The following NOS1AP variants were observed in gnomAD, a reference collection of about 807,000 sequenced individuals.
NOS1AP encodes the protein nitric oxide synthase 1 adaptor protein.
NOS1AP carries 21 observed loss-of-function variants against 56.2 expected under a neutral mutation model. That is an observed-to-expected ratio of 0.37 (90% CI 0.26 to 0.54). The LOEUF (loss-of-function observed/expected upper bound fraction) is 0.54, where lower values mean the gene tolerates loss of function less well. Among genes scored for constraint, NOS1AP ranks in the 20% least tolerant of loss-of-function variants. The pLI, the probability that NOS1AP is intolerant of heterozygous loss-of-function variation, is 0.84. For missense variants in NOS1AP, 522 were observed against 657.8 expected, an observed-to-expected ratio of 0.79 and a Z score of 2.26; for synonymous variants, 270 against 274.6, an observed-to-expected ratio of 0.98 and a Z score of 0.17.
At chr1:162,296,041 C>A (rs1041599578) in intron 3 of NOS1AP, among the ~76,000 whole-genome samples, 7 of 152,206 alleles carry the variant, frequency 4.6e-5, no homozygotes, top group African/African-American at 1.7e-4. Flanking sequence ...AATCCCAGCA[C>A]TTTGGGAGGC....
At chr1:162,330,902 T>C (rs927121717) in intron 4 of NOS1AP, among the ~76,000 whole-genome samples, 1 of 152,144 alleles carries the variant, frequency 6.6e-6, no homozygotes, top group Non-Finnish European at 1.5e-5. Flanking sequence ...GTGATGGCTA[T>C]TGGGGAACAA....
intron 1 of NOS1AP, among the ~76,000 whole-genome samples, chr1:162,111,879 G>A (rs1307347272): frequency 1.3e-5 from 2 of 152,240 alleles, no homozygotes; most frequent in Non-Finnish European, 2.9e-5. Context: ...GCTCATCTCT[G>A]TGGGCTTTCC....
At chr1:162,081,637 C>G (rs1055646669) in intron 1 of NOS1AP, among the ~76,000 whole-genome samples, 6 of 149,210 alleles carry the variant, frequency 4.0e-5, no homozygotes, top group African/African-American at 1.5e-4. Flanking sequence ...GCCTTGACCT[C>G]CTGGGGCTCA....
chr1:162,367,300 C>G lies in NOS1AP; in HGVS notation c.1354C>G (p.Leu452Val), dbSNP rs879050196. 2 of 1,613,356 alleles carry G rather than the reference C, an allele frequency of 1.2e-6. No homozygotes were observed. Among genetic ancestry groups the G allele is most frequent in the Non-Finnish European group, 1.7e-6 (2 of 1,179,954 alleles). The change falls in exon 10 of 10, where the codon CTG (leucine) becomes GTG (valine). Residue 452 changes from leucine to valine, a missense_variant. Physicochemically the swap from Leu to Val is conservative, Grantham distance 32. Around this residue, in one of 4 missense-constraint regions of NOS1AP, gnomAD observed 160 missense variants for 180.3 expected, o/e 0.89. Transcript: ENST00000361897. This position sits in a 1 kb window ranked among gnomAD's most constrained non-coding sequence, Gnocchi z 6.5. ...PAQGEALLGG[L>V]ELIKFRESGI... ...GCAGGGCGAGGCGCTCCTGGGCGGT[C>G]TGGAGCTCATCAAGTTCCGAGAGTC...
chr1:162,367,583 C>T lies in NOS1AP; in HGVS notation c.*116C>T, dbSNP rs1210826197. 3.4e-6 allele frequency: 4 copies of T among 1,161,184 alleles called. No individual in the cohort carries two copies. The highest frequency in any genetic ancestry group is 4.7e-6 in the Non-Finnish European group (4 of 842,940). 71.9% of individuals were successfully genotyped at this position (1,161,184 alleles called of 1,614,324 possible). On this transcript the variant is annotated 3_prime_UTR_variant, in exon 10 of 10. Coordinates refer to ENST00000361897, the MANE Select transcript of NOS1AP (RefSeq NM_014697.3). This position sits in a 1 kb window ranked among gnomAD's most constrained non-coding sequence, Gnocchi z 6.5. The stretch of plus-strand genomic sequence containing the variant: ...CTGCCGAGGAGAATGCCAGCCAGGG[C>T]CCGGGAGAGTGTGAGGTTTCAGGAA...
intron 1 of NOS1AP, among the ~76,000 whole-genome samples, chr1:162,089,798 G>A (rs1692087982): frequency 6.6e-6 from 1 of 152,220 alleles, no homozygotes; most frequent in South Asian, 2.1e-4. Context: ...GCAAGGAATA[G>A]TTTCTCCTCT....
At chr1:162,179,105 T>C (rs1402404584) in intron 2 of NOS1AP, among the ~76,000 whole-genome samples, 1 of 152,196 alleles carries the variant, frequency 6.6e-6, no homozygotes, top group Admixed American at 6.5e-5. Flanking sequence ...ATCTCTCCTT[T>C]CTTTGCATGA....
chr1:162,130,895 G>C (rs1228454153), intron 1 of NOS1AP, among the ~76,000 whole-genome samples: 1 of 152,148 alleles, frequency 6.6e-6, no homozygotes, highest in Non-Finnish European at 1.5e-5. Flanking sequence ...GGATCAAGTA[G>C]GTCGGGTAGT....
intron 2 of NOS1AP, among the ~76,000 whole-genome samples, chr1:162,272,531 G>A (rs1460806364): frequency 6.6e-6 from 1 of 152,176 alleles, no homozygotes; most frequent in African/African-American, 2.4e-5. Context: ...ATGACGCGAG[G>A]AAGAACTGAA....
At chr1:162,260,880 G>T (rs1361404291) in intron 2 of NOS1AP, among the ~76,000 whole-genome samples, 3 of 152,020 alleles carry the variant, frequency 2.0e-5, no homozygotes, top group African/African-American at 7.2e-5. Flanking sequence ...TAAAACACGA[G>T]GTGTGGTTAC....
At chr1:162,097,125 T>TAAAAAAAAA (rs34097144) in intron 1 of NOS1AP, among the ~76,000 whole-genome samples, 1 of 149,084 alleles carries the variant, frequency 6.7e-6, no homozygotes, top group Non-Finnish European at 1.5e-5. Flanking sequence ...TGCTGGGTAT[T>TAAAAAAAAA]AAAAAAAAAA....
intron 3 of NOS1AP, among the ~76,000 whole-genome samples, chr1:162,294,195 G>A (rs1396588772): frequency 3.7e-5 from 1 of 27,132 alleles, no homozygotes; most frequent in African/African-American, 6.1e-5. Flanking sequence ...AAGGAAGGAA[G>A]TAAGGAAGGA....
intron 8 of NOS1AP, chr1:162,363,702 C>A (rs1657975873): frequency 2.6e-6 from 2 of 756,396 alleles, no homozygotes; most frequent in Admixed American, 6.3e-5. Flanking sequence ...CTCTGGAGAT[C>A]TCAAGGGTTT....
rs193099087 is a variant in NOS1AP at position 162,368,634 on chromosome 1, T to G, written c.*1167T>G. ...ATAAAAAGTGCCATGTGCAATTGTC[T>G]TATCTTTTATGATCTAGGCTTTGCC... On this transcript the variant is annotated 3_prime_UTR_variant, in exon 10 of 10. Transcript: ENST00000361897. 49 of 152,372 alleles carry G rather than the reference T, an allele frequency of 3.2e-4. No individual in the cohort carries two copies. Among genetic ancestry groups the G allele is most frequent in the African/African-American group, 1.0e-3 (43 of 41,584 alleles). 9.4% of individuals were successfully genotyped at this position (152,372 alleles called of 1,614,324 possible). A position where few individuals can be genotyped will look rare whatever the true frequency, so the allele number is the denominator to read the frequency against.
At chr1:162,309,422 T>C (rs1024469120) in intron 4 of NOS1AP, among the ~76,000 whole-genome samples, 6 of 152,192 alleles carry the variant, frequency 3.9e-5, no homozygotes, top group Non-Finnish European at 8.8e-5. Flanking sequence ...TGGCAAAAAA[T>C]GTAAGGCAGA....
intron 2 of NOS1AP, among the ~76,000 whole-genome samples, chr1:162,267,343 G>A (rs1654455060): frequency 6.6e-6 from 1 of 152,170 alleles, no homozygotes; most frequent in South Asian, 2.1e-4. Context: ...GGGAATGGTT[G>A]TTAAACCTGG....
At chr1:162,335,137 A>G (rs182214843) in intron 5 of NOS1AP, among the ~76,000 whole-genome samples, 344 of 152,064 alleles carry the variant, frequency 2.3e-3, no homozygotes, top group African/African-American at 8.0e-3. Flanking sequence ...TATCATGTCA[A>G]TTTTTTTTCC....
chr1:162,367,639 T>TG lies in NOS1AP; in HGVS notation c.*176dup, dbSNP rs913340863. The stretch of plus-strand genomic sequence containing the variant: ...TGAGATTCTGCTTTGGAGGGTAAAG[T>TG]GGGGAAGAAATCGGATTCCCAGAGG... On this transcript the variant is annotated 3_prime_UTR_variant, in exon 10 of 10. Transcript: ENST00000361897. This position sits in a 1 kb window ranked among gnomAD's most constrained non-coding sequence, Gnocchi z 6.5. 1.2e-5 allele frequency: 9 copies of TG among 751,294 alleles called. No homozygotes were observed. The highest frequency in any genetic ancestry group is 3.5e-5 in the African/African-American group (2 of 56,594). The allele number at this position is 751,294 out of a possible 1,614,324, so 46.5% of individuals were successfully genotyped here. A position where few individuals can be genotyped will look rare whatever the true frequency, so the allele number is the denominator to read the frequency against.
At chr1:162,277,506 T>G (rs10157390) in intron 2 of NOS1AP, among the ~76,000 whole-genome samples, 66,114 of 151,630 alleles carry the variant, frequency 0.44, 15,035 homozygotes, top group East Asian at 0.73. Flanking sequence ...GAACTTGTAT[T>G]ATCCTAATGG....
Sources: allele counts gnomAD v4.1 joint callset (sites outside exome capture counted in the v4.1 genomes callset), GRCh38; gene constraint gnomAD v4.1.1; regional missense constraint gnomAD v4.1.1; non-coding constraint Gnocchi (gnomAD v3.1); transcripts MANE v1.5; gene names NCBI Gene and HGNC (gene_info 2026-07-23, HGNC 2026-07-21).